The following SMAD4 variants were observed in gnomAD, a reference collection of about 807,000 sequenced individuals.
SMAD4 encodes the protein MAD homolog 4.
SMAD4 carries 7 observed loss-of-function variants against 63.2 expected under a neutral mutation model. That is an observed-to-expected ratio of 0.11 (90% CI 0.06 to 0.21). SMAD4 has a LOEUF of 0.21. Among genes scored for constraint, SMAD4 ranks in the 10% least tolerant of loss-of-function variants. The probability of loss-of-function intolerance (pLI) is 1.00; values close to 1 mark genes in which losing one functional copy is unlikely to be tolerated. For synonymous variants in SMAD4, 215 were observed against 235.4 expected (o/e 0.91, Z 0.79); for missense variants, 312 against 693.8 (o/e 0.45, Z 6.18).
chr18:51,076,706 T>A lies in SMAD4; in HGVS notation c.1377T>A (p.Ala459=), dbSNP rs756723838. 6.2e-7 allele frequency: 1 copy of A among 1,612,544 alleles called. No homozygotes were observed. The highest frequency in any genetic ancestry group is 8.5e-7 in the Non-Finnish European group (1 of 1,178,528). Residue 459 remains alanine (A), a synonymous_variant, in exon 11 of 12, where the codon GCT becomes GCA. Transcript: ENST00000342988. ...QQAATAQAAA[A]AQAAAVAGNI... is the part of the protein sequence containing the mutation. ...CGGCTACTGCACAAGCTGCAGCAGC[T>A]GCCCAGGCAGCAGCCGTGGCAGGAA...
chr18:51,037,736 C>T (rs1184900170), intron 1 of SMAD4, among the ~76,000 whole-genome samples: 1 of 152,034 alleles, frequency 6.6e-6, no homozygotes, highest in Non-Finnish European at 1.5e-5. Context: ...TAGTGGGACA[C>T]CATTTTTATT....
chr18:51,038,718 T>C (rs943590355), intron 1 of SMAD4, among the ~76,000 whole-genome samples: 3 of 152,238 alleles, frequency 2.0e-5, no homozygotes, highest in South Asian at 2.1e-4. Flanking sequence ...TTCCTGACTT[T>C]GTTTTAGAAA....
In SMAD4 at chr18:51,061,403, A is replaced by C. The variant is rs144328584; in HGVS notation, c.955+1487A>C. Among the ~76,000 whole-genome samples, 8 of 152,126 alleles carry C rather than the reference A, an allele frequency of 5.3e-5. No homozygotes were observed. The South Asian group carries it at 8.3e-4, about 16-fold the overall frequency. ...AACCATCCTTCTACTCTCTGTCTCT[A>C]TGGGTTCAATTGTTTTGATTTTTAG... is the stretch of plus-strand genomic sequence containing the variant. On this transcript the variant is annotated intron_variant, in intron 8 of 11. Coordinates refer to ENST00000342988, the MANE Select transcript of SMAD4 (RefSeq NM_005359.6).
chr18:51,037,393 C>T (rs1175698986), intron 1 of SMAD4, among the ~76,000 whole-genome samples: 7 of 152,032 alleles, frequency 4.6e-5, no homozygotes, highest in Admixed American at 4.6e-4. Flanking sequence ...ACTGTGAGGA[C>T]ATTTGTATGG....
rs2144400522 is a variant in SMAD4 at position 51,047,094 on chromosome 18, T to C, written c.48T>C (p.Cys16=). ...ATACACCAACAAGTAATGATGCCTG[T>C]CTGAGCATTGTGCATAGTTTGATGT... ...ITNTPTSNDA[C]LSIVHSLMCH... The change falls in exon 2 of 12, where the codon TGT becomes TGC. Residue 16 remains cysteine, a synonymous_variant. Transcript: ENST00000342988. The C allele has an allele frequency of 1.2e-6, 2 of 1,613,798 alleles. No individual in the cohort carries two copies. Among genetic ancestry groups the C allele is most frequent in the Non-Finnish European group, 1.7e-6 (2 of 1,179,732 alleles).
At chr18:51,065,654 A>T (rs530468585) in intron 9 of SMAD4, 48 bp downstream of exon 9, 2 of 1,473,286 alleles carry the variant, frequency 1.4e-6, no homozygotes, top group East Asian at 2.3e-5. Context: ...TGAGCATAGT[A>T]CATTGTCTTT....
chr18:51,034,168 A>G (rs1036164299), intron 1 of SMAD4, among the ~76,000 whole-genome samples: 3 of 151,122 alleles, frequency 2.0e-5, no homozygotes, highest in African/African-American at 7.3e-5. Context: ...TTTACTCCCA[A>G]TGTTTAGGGC....
At chr18:51,068,883 T>C (rs1224120606) in intron 10 of SMAD4, among the ~76,000 whole-genome samples, 2 of 152,168 alleles carry the variant, frequency 1.3e-5, no homozygotes, top group Admixed American at 1.3e-4. Context: ...ATCATGCCAC[T>C]GTGCTCCAGA....
chr18:51,057,517 T>C (rs1909876870), intron 5 of SMAD4, among the ~76,000 whole-genome samples: 4 of 152,162 alleles, frequency 2.6e-5, no homozygotes, highest in South Asian at 4.1e-4. Context: ...TTGAAAAAAT[T>C]TGAAAGTAGA....
chr18:51,033,043 T>TA (rs932130417), intron 1 of SMAD4, among the ~76,000 whole-genome samples: 1 of 152,120 alleles, frequency 6.6e-6, no homozygotes, highest in Non-Finnish European at 1.5e-5. Context: ...ACTGTGTGGT[T>TA]ACGCCCCAAA....
At chr18:51,038,306 CATT>C (rs1189068749) in intron 1 of SMAD4, among the ~76,000 whole-genome samples, 2 of 151,774 alleles carry the variant, frequency 1.3e-5, no homozygotes, top group African/African-American at 4.8e-5. Context: ...CTGTGTAACT[CATT>C]GAACCAATAT....
intron 1 of SMAD4, among the ~76,000 whole-genome samples, chr18:51,032,051 T>G (rs534058246): frequency 1.4e-4 from 22 of 152,354 alleles, no homozygotes; most frequent in African/African-American, 4.1e-4. Flanking sequence ...TTAAATGGGT[T>G]TGTTACAGAA....
intron 10 of SMAD4, among the ~76,000 whole-genome samples, chr18:51,073,012 C>G (rs1015748321): frequency 6.6e-6 from 1 of 152,068 alleles, no homozygotes; most frequent in Admixed American, 6.6e-5. Flanking sequence ...GTGAACCTAA[C>G]TGAATAATTT....
At chr18:51,073,455 TA>T (rs530574064) in intron 10 of SMAD4, among the ~76,000 whole-genome samples, 2 of 135,868 alleles carry the variant, frequency 1.5e-5, no homozygotes, top group Non-Finnish European at 3.1e-5. Flanking sequence ...TAGTGATGAT[TA>T]AAAAAAAGTA....
rs558284896 is a variant in SMAD4, at chr18:51,084,159, A to G, written c.*5692A>G. On this transcript the variant is annotated 3_prime_UTR_variant, in exon 12 of 12. Coordinates refer to ENST00000342988, the MANE Select transcript of SMAD4 (RefSeq NM_005359.6). ...ATTAAGGCTTTCGAGTCATGACATTATAGCTTTTGAGTTGGTGTGTGTGAC... is the reference window on the plus strand; with the variant it reads ...ATTAAGGCTTTCGAGTCATGACATTGTAGCTTTTGAGTTGGTGTGTGTGAC... 1.3e-4 allele frequency: 28 copies of G among 221,778 alleles called. No homozygotes were observed. The East Asian group carries it at 1.6e-3, about 13-fold the overall frequency. 13.7% of individuals were successfully genotyped at this position (221,778 alleles called of 1,614,324 possible). A position where few individuals can be genotyped will look rare whatever the true frequency, so the allele number is the denominator to read the frequency against.
intron 1 of SMAD4, among the ~76,000 whole-genome samples, chr18:51,033,846 A>G (rs1909121973): frequency 6.6e-6 from 1 of 152,206 alleles, no homozygotes; most frequent in African/African-American, 2.4e-5. Flanking sequence ...TTTAACTATG[A>G]GAGTGAATGA....
rs1909418070 is a variant in SMAD4, at chr18:51,042,533, C to G, written c.-127-4387C>G. Among the ~76,000 whole-genome samples, 3 of 151,916 alleles carry G rather than the reference C, an allele frequency of 2.0e-5. No individual in the cohort carries two copies. In the South Asian group the frequency reaches 6.2e-4, roughly 32 times the overall value. ...ACTATAGGCATGTGCCACCATGCCC[C>G]ACTAATTTTTTGTATTTTTTGTAGA... On this transcript the variant is annotated intron_variant, in intron 1 of 11. Transcript: ENST00000342988.
Position 51,078,819 on chromosome 18 carries a change from A to C in SMAD4, c.*352A>C. ...AGAACATCGATATGTATATCATTCT[A>C]CAGAATAATCCAGTATTGCTGATTT... is the stretch of plus-strand genomic sequence containing the variant. On this transcript the variant is annotated 3_prime_UTR_variant, in exon 12 of 12. Coordinates refer to ENST00000342988, the MANE Select transcript of SMAD4 (RefSeq NM_005359.6). The C allele has an allele frequency of 7.0e-6, 2 of 284,060 alleles. No homozygotes were observed. The highest frequency in any genetic ancestry group is 9.2e-5 in the Admixed American group (2 of 21,650). 17.6% of individuals were successfully genotyped at this position (284,060 alleles called of 1,614,324 possible).
rs930794546 is a variant in SMAD4 at position 51,078,809 on chromosome 18, A to T, written c.*342A>T. The T allele has an allele frequency of 3.3e-6, 1 of 305,640 alleles. No individual in the cohort carries two copies. Among genetic ancestry groups the T allele is most frequent in the Non-Finnish European group, 6.2e-6 (1 of 161,930 alleles). The allele number at this position is 305,640 out of a possible 1,614,324, so 18.9% of individuals were successfully genotyped here. A position where few individuals can be genotyped will look rare whatever the true frequency, so the allele number is the denominator to read the frequency against. On this transcript the variant is annotated 3_prime_UTR_variant, in exon 12 of 12. Transcript: ENST00000342988. ...TTTTATCTGCAGAACATCGATATGT[A>T]TATCATTCTACAGAATAATCCAGTA... is the stretch of plus-strand genomic sequence containing the variant.
Sources: gnomAD v4.1 joint callset for allele counts (sites outside exome capture counted in the v4.1 genomes callset) on GRCh38, gnomAD v4.1.1 for gene constraint, MANE v1.5 for transcripts, NCBI Gene and HGNC (gene_info 2026-07-23, HGNC 2026-07-21) for gene names.